The following CRTAP variants were observed in gnomAD, a reference collection of about 807,000 sequenced individuals.
CRTAP encodes cartilage-associated protein.
A neutral mutation model predicts 42.7 loss-of-function variants in CRTAP; 33 were observed. The ratio of observed to expected loss-of-function variants is 0.77; its 90% CI spans 0.59 to 1.03. The LOEUF (loss-of-function observed/expected upper bound fraction) is 1.03. Ranked by LOEUF, CRTAP falls within the 50% of genes least tolerant of loss-of-function variation. CRTAP has a pLI of 0.00. For synonymous variants in CRTAP, 243 were observed against 217.7 expected, an observed-to-expected ratio of 1.12 and a Z score of -1.02; for missense variants, 613 against 533.9, an observed-to-expected ratio of 1.15 and a Z score of -1.46.
At chr3:33,140,957 C>T (rs914390045) in intron 6 of CRTAP, among the ~76,000 whole-genome samples, 9 of 152,146 alleles carry the variant, frequency 5.9e-5, no homozygotes, top group East Asian at 3.9e-4. Context: ...ATTCGTTCTT[C>T]GTTGCCAGGA....
chr3:33,131,702 A>G (rs955208027), intron 4 of CRTAP, among the ~76,000 whole-genome samples: 22 of 148,720 alleles, frequency 1.5e-4, no homozygotes, highest in Non-Finnish European at 2.4e-4. Flanking sequence ...ACCATGCTAC[A>G]TTGCTTGAGG....
intron 6 of CRTAP, among the ~76,000 whole-genome samples, chr3:33,134,588 GACATGGATACTC>G (rs2030368854): frequency 6.6e-6 from 1 of 152,174 alleles, no homozygotes; most frequent in Non-Finnish European, 1.5e-5. Context: ...ACTCTGAAGA[GACATGGATACTC>G]ACACCCCAAT....
Position 33,114,116 on chromosome 3 carries a change from G to A in CRTAP, c.39G>A (p.Ala13=), listed in dbSNP as rs774113733. The change falls in exon 1 of 7, where the codon GCG becomes GCA. Residue 13 remains alanine (A), a synonymous_variant. Transcript: ENST00000320954. ...PGRRGAAALL[A]LLCVACALRA... ...GCCGGGGGGCCGCGGCGCTGCTAGCGCTGCTGTGCGTGGCCTGCGCGCTGC... is the reference window on the plus strand; with the variant it reads ...GCCGGGGGGCCGCGGCGCTGCTAGCACTGCTGTGCGTGGCCTGCGCGCTGC... 3 of 1,527,984 alleles carry A rather than the reference G, an allele frequency of 2.0e-6. No individual in the cohort carries two copies. The Admixed American group carries it at 6.1e-5, about 31-fold the overall frequency. 94.7% of individuals were successfully genotyped at this position (1,527,984 alleles called of 1,614,324 possible). A position where few individuals can be genotyped will look rare whatever the true frequency, so the allele number is the denominator to read the frequency against.
At chr3:33,122,148 G>A (rs181963864) in intron 2 of CRTAP, among the ~76,000 whole-genome samples, 94 of 152,216 alleles carry the variant, frequency 6.2e-4, no homozygotes, top group African/African-American at 1.9e-3. Context: ...AGCCGAGTGC[G>A]TGTGGTCAGT....
intron 1 of CRTAP, 130 bp downstream of exon 1, chr3:33,114,678 C>A: frequency 1.2e-6 from 1 of 802,668 alleles, no homozygotes; most frequent in Non-Finnish European, 2.0e-6. Flanking sequence ...CCATCCAGCC[C>A]TGCCAAAGGT....
chr3:33,123,048 C>A (rs1289639662), intron 2 of CRTAP, among the ~76,000 whole-genome samples: 6 of 152,160 alleles, frequency 3.9e-5, no homozygotes, highest in African/African-American at 1.2e-4. Flanking sequence ...ACTGCAACCT[C>A]CACCTCCTGG....
At chr3:33,125,333 C>T (rs1376417919) in intron 3 of CRTAP, among the ~76,000 whole-genome samples, 1 of 152,078 alleles carries the variant, frequency 6.6e-6, no homozygotes, top group Non-Finnish European at 1.5e-5. Context: ...GCACTGACTG[C>T]ATCTCCCACT....
chr3:33,127,684 G>T (rs912204266), intron 3 of CRTAP, among the ~76,000 whole-genome samples: 1 of 151,954 alleles, frequency 6.6e-6, no homozygotes, highest in Non-Finnish European at 1.5e-5. Context: ...CTGACCTCAG[G>T]TGATCCACCC....
At chr3:33,120,198 C>G in intron 1 of CRTAP, 146 bp from the exon 2 acceptor site, 1 of 762,610 alleles carries the variant, frequency 1.3e-6, no homozygotes. Context: ...TGGACTTGGT[C>G]TTGAGGGGCC....
At position 33,129,833 on chromosome 3, in the gene CRTAP, G is replaced by A. The variant is rs553563557; in HGVS notation, c.794-106G>A. ...ATTACAGGCGTGAGCCACCGCGCCC[G>A]GCCTGTAAATATTTTTCTTTTAACT... is the stretch of plus-strand genomic sequence containing the variant. On this transcript the variant is annotated intron_variant, in intron 3 of 6. Coordinates refer to ENST00000320954, the MANE Select transcript of CRTAP (RefSeq NM_006371.5). 66 of 1,182,028 alleles carry A rather than the reference G, an allele frequency of 5.6e-5. 1 individual carries two copies. The highest frequency in any genetic ancestry group is 6.6e-5 in the Non-Finnish European group (53 of 803,524). The allele number at this position is 1,182,028 out of a possible 1,614,324, so 73.2% of individuals were successfully genotyped here.
chr3:33,116,499 C>T (rs966586188), intron 1 of CRTAP, among the ~76,000 whole-genome samples: 14 of 152,164 alleles, frequency 9.2e-5, no homozygotes, highest in African/African-American at 1.9e-4. Flanking sequence ...GCTGGGATTA[C>T]GGGCATGTGC....
chr3:33,125,983 A>C (rs912739985), intron 3 of CRTAP, among the ~76,000 whole-genome samples: 1 of 152,142 alleles, frequency 6.6e-6, no homozygotes, highest in African/African-American at 2.4e-5. Context: ...GTTAATATGA[A>C]CTTTATTATT....
At chr3:33,142,313 T>C in intron 6 of CRTAP, 82 bp from the exon 7 acceptor site, 1 of 1,314,248 alleles carries the variant, frequency 7.6e-7, no homozygotes, top group Non-Finnish European at 1.1e-6. Flanking sequence ...GGTGATGGCC[T>C]CTCGGGATAC....
intron 3 of CRTAP, among the ~76,000 whole-genome samples, chr3:33,129,121 T>C (rs578129562): frequency 2.1e-4 from 32 of 152,242 alleles, no homozygotes; most frequent in Non-Finnish European, 3.7e-4. Flanking sequence ...ACAGTGTTTA[T>C]GTATGCCTGT....
At position 33,134,231 on chromosome 3, in the gene CRTAP, A is replaced by C; in HGVS notation, c.1118A>C (p.Asp373Ala). The change falls in exon 6 of 7, where the codon GAC (aspartate) becomes GCC (alanine). Residue 373 changes from aspartate (D) to alanine (A), a missense_variant. Asp to Ala is a moderately radical substitution (Grantham distance 126, BLOSUM62 -2). Transcript: ENST00000320954. ...NVTTLQKELYDFAKENIMDDD... is the reference protein window; with the variant it reads ...NVTTLQKELYAFAKENIMDDD... Reference sequence around the variant, plus strand: ...ACCACACTCCAGAAGGAGCTGTATGACTTTGCTAAGGAAAATATAATGGAT... The same window carrying C: ...ACCACACTCCAGAAGGAGCTGTATGCCTTTGCTAAGGAAAATATAATGGAT... 1 of 1,613,046 alleles carries C rather than the reference A, an allele frequency of 6.2e-7. No homozygotes were observed. The highest frequency in any genetic ancestry group is 2.2e-5 in the East Asian group (1 of 44,878).
rs183976060 is a variant in CRTAP at position 33,142,530 on chromosome 3, A to T, written c.*82A>T. ...CTTTTCCCAACAGCCCAGGCTGTTG[A>T]TACCTCAGAGCCTTCTCTTTACTCT... On this transcript the variant is annotated 3_prime_UTR_variant, in exon 7 of 7. Transcript: ENST00000320954. 7.5e-7 allele frequency: 1 copy of T among 1,325,038 alleles called. No individual in the cohort carries two copies. Among genetic ancestry groups the T allele is most frequent in the African/African-American group, 1.4e-5 (1 of 69,256 alleles). 82.1% of individuals were successfully genotyped at this position (1,325,038 alleles called of 1,614,324 possible).
rs1017139580 is a variant in CRTAP at position 33,132,816 on chromosome 3, A to G, written c.1068+116A>G. ...ATAAAGGGGCTGGGCGCGGTGACTC[A>G]TGCCTGTAATCCCAGCACTTTGGGA... On this transcript the variant is annotated intron_variant, in intron 5 of 6. Transcript: ENST00000320954. 2.6e-5 allele frequency: 33 copies of G among 1,246,530 alleles called. No homozygotes were observed. In the African/African-American group the frequency reaches 4.0e-4, roughly 15 times the overall value. 77.2% of individuals were successfully genotyped at this position (1,246,530 alleles called of 1,614,324 possible).
Position 33,118,051 on chromosome 3 carries a change from C to A in CRTAP, c.472-2293C>A, listed in dbSNP as rs527276233. Among the ~76,000 whole-genome samples the A allele has an allele frequency of 2.0e-5, 3 of 152,054 alleles. No homozygotes were observed. The East Asian group carries it at 5.8e-4, about 29-fold the overall frequency. ...TCCTGGCTCACTGCAACCTCCGCCC[C>A]CCGGGTTCAAGTGATTCTCCTGCCT... On this transcript the variant is annotated intron_variant, in intron 1 of 6. Transcript: ENST00000320954.
At chr3:33,127,115 TTA>T (rs1361726064) in intron 3 of CRTAP, among the ~76,000 whole-genome samples, 28 of 150,230 alleles carry the variant, frequency 1.9e-4, no homozygotes, top group South Asian at 6.3e-4. Flanking sequence ...TTTTTTTTTT[TTA>T]AATTTTTGTA....
Sources: allele counts gnomAD v4.1 joint callset (sites outside exome capture counted in the v4.1 genomes callset), GRCh38; gene constraint gnomAD v4.1.1; transcripts MANE v1.5; gene names NCBI Gene and HGNC (gene_info 2026-07-23, HGNC 2026-07-21).